The following PHC3 variants were observed in gnomAD, a reference collection of about 807,000 sequenced individuals.
PHC3 encodes polyhomeotic-like protein 3.
PHC3 carries 13 observed loss-of-function variants against 107.4 expected under a neutral mutation model. That is an observed-to-expected ratio of 0.12 (90% CI 0.08 to 0.19). PHC3 has a LOEUF of 0.19. PHC3 is among the 10% of genes least tolerant of loss of function. The pLI is 1.00. For missense variants in PHC3, 992 were observed against 1,210.9 expected (o/e 0.82, Z 2.68); for synonymous variants, 456 against 427.4 (o/e 1.07, Z -0.83).
In PHC3 at chr3:170,172,727, T is replaced by C. The variant is rs1208756712; in HGVS notation, c.181-15A>G. On this transcript the variant is annotated splice_polypyrimidine_tract_variant and intron_variant, in intron 2 of 14. Transcript: ENST00000495893. ...TGTTGAATTACCTGTGATAAGTCAA[T>C]TGAACCAATGTCAAACCATAATCTC... 3 of 1,581,002 alleles carry C rather than the reference T, an allele frequency of 1.9e-6. No homozygotes were observed. Among genetic ancestry groups the C allele is most frequent in the Non-Finnish European group, 2.6e-6 (3 of 1,159,882 alleles).
In PHC3 at chr3:170,088,324, CCA is replaced by C. The variant is rs1166272171; in HGVS notation, c.*8904_*8905del. ...GTGTGCTTGAAGCATCCAAAAAACA[CCA>C]GTTTATCACAACAATTGGTCTTTGC... On this transcript the variant is annotated 3_prime_UTR_variant, in exon 15 of 15. Coordinates refer to ENST00000495893, the MANE Select transcript of PHC3 (RefSeq NM_024947.4). The C allele has an allele frequency of 3.9e-5, 6 of 152,092 alleles. No homozygotes were observed. The highest frequency in any genetic ancestry group is 1.4e-4 in the African/African-American group (6 of 41,408). The allele number at this position is 152,092 out of a possible 1,614,324, so 9.4% of individuals were successfully genotyped here. A position where few individuals can be genotyped will look rare whatever the true frequency, so the allele number is the denominator to read the frequency against.
intron 4 of PHC3, among the ~76,000 whole-genome samples, chr3:170,154,213 ATTAAG>A (rs1726520401): frequency 2.6e-5 from 4 of 152,156 alleles, no homozygotes; most frequent in Admixed American, 1.3e-4. Context: ...CAATAAGCTT[ATTAAG>A]TTAATTAATG....
chr3:170,144,845 A>C (rs1724694170), intron 6 of PHC3, among the ~76,000 whole-genome samples: 1 of 152,208 alleles, frequency 6.6e-6, no homozygotes, highest in East Asian at 1.9e-4. Context: ...AGCTGGAATT[A>C]CAGCAGCGCA....
intron 6 of PHC3, among the ~76,000 whole-genome samples, chr3:170,139,366 G>A (rs1046271529): frequency 2.6e-5 from 4 of 152,058 alleles, no homozygotes; most frequent in South Asian, 2.1e-4. Context: ...ATCTAGAAGA[G>A]GCACATTAAA....
chr3:170,144,318 T>G (rs1290490660), intron 6 of PHC3, among the ~76,000 whole-genome samples: 1 of 150,254 alleles, frequency 6.7e-6, no homozygotes, highest in African/African-American at 2.5e-5. Context: ...TCCAGCTTGG[T>G]CAATAAGAGC....
intron 9 of PHC3, among the ~76,000 whole-genome samples, chr3:170,117,832 T>TA (rs781293663): frequency 0.015 from 1,309 of 88,658 alleles, 20 homozygotes; most frequent in East Asian, 0.13. Context: ...CCATCTCTAC[T>TA]AAAAAAAAAA....
chr3:170,143,839 A>G (rs1466820043), intron 6 of PHC3, among the ~76,000 whole-genome samples: 1 of 152,042 alleles, frequency 6.6e-6, no homozygotes, highest in East Asian at 1.9e-4. Context: ...CTTCCCAATC[A>G]ATCTCCTCCT....
intron 6 of PHC3, among the ~76,000 whole-genome samples, chr3:170,138,283 G>A (rs1053396166): frequency 6.6e-6 from 1 of 152,128 alleles, no homozygotes; most frequent in Non-Finnish European, 1.5e-5. Context: ...GCTACTCAAA[G>A]AATTTTCTAA....
chr3:170,129,561 G>GA lies in PHC3; in HGVS notation c.920-10dup, dbSNP rs751245714. On this transcript the variant is annotated splice_polypyrimidine_tract_variant and intron_variant, in intron 7 of 14. Transcript: ENST00000495893. ...AATTGGAGAATATGAAGCTGTGAGA[G>GA]AAAAAAATGACAATTAGTACTGATT... is the stretch of plus-strand genomic sequence containing the variant. 65 of 1,591,138 alleles carry GA rather than the reference G, an allele frequency of 4.1e-5. No individual in the cohort carries two copies. The South Asian group carries it at 7.2e-4, about 18-fold the overall frequency.
rs1713702834 is a variant in PHC3, at chr3:170,088,304, C to G, written c.*8926G>C. The G allele has an allele frequency of 6.6e-6, 1 of 152,118 alleles. No individual in the cohort carries two copies. Among genetic ancestry groups the G allele is most frequent in the Non-Finnish European group, 1.5e-5 (1 of 68,008 alleles). The allele number at this position is 152,118 out of a possible 1,614,324, so 9.4% of individuals were successfully genotyped here. On this transcript the variant is annotated 3_prime_UTR_variant, in exon 15 of 15. Transcript: ENST00000495893. ...GAATTAAAAAATTGGTTAACGTGTG[C>G]TTGAAGCATCCAAAAAACACCAGTT... is the stretch of plus-strand genomic sequence containing the variant.
Position 170,106,927 on chromosome 3 carries a change from G to A in PHC3, c.2373C>T (p.Asp791=). 1 of 1,604,484 alleles carries A rather than the reference G, an allele frequency of 6.2e-7. No individual in the cohort carries two copies. Among genetic ancestry groups the A allele is most frequent in the African/African-American group, 1.3e-5 (1 of 74,452 alleles). The change falls in exon 12 of 15, where the codon GAC becomes GAT. Residue 791 remains aspartate, a synonymous_variant. Transcript: ENST00000495893. The part of the protein sequence containing the change: ...MIAEETLEEM[D]SELLKCEFCG... ...AGAATTCACACTTGAGCAACTCACT[G>A]TCCATTTCTTCTAATGTCTCTAAAA...
chr3:170,163,548 C>T (rs926881021), intron 4 of PHC3, among the ~76,000 whole-genome samples: 1 of 151,128 alleles, frequency 6.6e-6, no homozygotes, highest in African/African-American at 2.4e-5. Context: ...TAACTAAAAG[C>T]CCATTTACAT....
chr3:170,113,653 A>G, intron 10 of PHC3, 134 bp from the exon 11 acceptor site: 1 of 792,688 alleles, frequency 1.3e-6, no homozygotes, highest in East Asian at 2.8e-5. Context: ...CCATTTAGTA[A>G]GTGCCTTATT....
At chr3:170,121,463 A>T (rs1324538483) in intron 9 of PHC3, among the ~76,000 whole-genome samples, 1 of 152,254 alleles carries the variant, frequency 6.6e-6, no homozygotes, top group African/African-American at 2.4e-5. Context: ...GAGGAGGCAC[A>T]TACGGGATAT....
At chr3:170,156,903 G>A (rs888871523) in intron 4 of PHC3, among the ~76,000 whole-genome samples, 42 of 152,008 alleles carry the variant, frequency 2.8e-4, no homozygotes, top group Non-Finnish European at 1.5e-4. Context: ...CTGAGACTAC[G>A]TGTTTTTTAA....
chr3:170,150,076 C>T (rs1220851220), intron 4 of PHC3: 1 of 152,048 alleles, frequency 6.6e-6, no homozygotes, highest in Non-Finnish European at 1.5e-5. Context: ...CACCCTGTAT[C>T]CCATAAATAT....
At position 170,102,862 on chromosome 3, in the gene PHC3, C is replaced by G. The variant is rs775733243; in HGVS notation, c.2541G>C (p.Gly847=). The change falls in exon 13 of 15, where the codon GGG becomes GGC. Residue 847 remains glycine (G), a synonymous_variant. Coordinates refer to ENST00000495893, the MANE Select transcript of PHC3 (RefSeq NM_024947.4). ...GGCCACTTGGACGACGGCCACGATG[C>G]CCAAGACTTTGATTATCAGGCTTAC... The part of the protein sequence containing the change: ...WNRKPDNQSL[G]HRGRRPSGPD... 1 of 1,613,788 alleles carries G rather than the reference C, an allele frequency of 6.2e-7. No homozygotes were observed. The highest frequency in any genetic ancestry group is 8.5e-7 in the Non-Finnish European group (1 of 1,179,800).
Position 170,180,569 on chromosome 3 carries a change from T to G in PHC3, c.14+1133A>C, listed in dbSNP as rs930166772. ...TCATACATTTTTATGCTTCTGTTTT[T>G]TTTTTTTTTTTCCAAACTGCCTTCC... On this transcript the variant is annotated intron_variant, in intron 1 of 14. Coordinates refer to ENST00000495893, the MANE Select transcript of PHC3 (RefSeq NM_024947.4). Among the ~76,000 whole-genome samples, 15 of 151,618 alleles carry G rather than the reference T, an allele frequency of 9.9e-5. 1 individual carries two copies. Among genetic ancestry groups the G allele is most frequent in the Admixed American group, 2.6e-4 (4 of 15,242 alleles).
At chr3:170,175,611 A>G (rs1730302580) in intron 2 of PHC3, among the ~76,000 whole-genome samples, 1 of 149,008 alleles carries the variant, frequency 6.7e-6, no homozygotes, top group South Asian at 2.2e-4. Flanking sequence ...TAGGCAACAC[A>G]GAGGGAGAGA....
Sources: gnomAD v4.1 joint callset for allele counts (sites outside exome capture counted in the v4.1 genomes callset) on GRCh38, gnomAD v4.1.1 for gene constraint, MANE v1.5 for transcripts, NCBI Gene and HGNC (gene_info 2026-07-23, HGNC 2026-07-21) for gene names.